Variants in TSTD2 observed in about 807,000 individuals in gnomAD.
The protein encoded by TSTD2 is thiosulfate sulfurtransferase like domain containing 2.
In TSTD2, 37 loss-of-function variants were observed where a neutral mutation model predicts 47.9. That is an observed-to-expected ratio of 0.77 (90% CI 0.59 to 1.02). The LOEUF (loss-of-function observed/expected upper bound fraction) is 1.02, where lower values mean the gene tolerates loss of function less well. TSTD2 is among the 50% of genes least tolerant of loss of function. The pLI, the probability that TSTD2 is intolerant of heterozygous loss-of-function variation, is 0.00. For synonymous variants in TSTD2, 201 were observed against 215.9 expected (o/e 0.93, Z 0.61); for missense variants, 586 against 616.0 (o/e 0.95, Z 0.52).
At chr9:97,603,409 C>T (rs762611457) in intron 9 of TSTD2, among the ~76,000 whole-genome samples, 44 of 152,300 alleles carry the variant, frequency 2.9e-4, no homozygotes, top group Non-Finnish European at 4.6e-4. Flanking sequence ...CATACTCACA[C>T]GCAGGTACCC....
intron 3 of TSTD2, 64 bp downstream of exon 3, chr9:97,625,617 T>C: frequency 2.1e-6 from 3 of 1,460,602 alleles, no homozygotes; most frequent in Non-Finnish European, 2.8e-6. Flanking sequence ...GGGTGAATTG[T>C]AGTATCTCAT....
At chr9:97,626,119 GT>G in intron 2 of TSTD2, 122 bp from the exon 3 acceptor site, 1 of 932,998 alleles carries the variant, frequency 1.1e-6, no homozygotes, top group East Asian at 2.7e-5. Flanking sequence ...GTTCCATTAT[GT>G]TATACAATTC....
chr9:97,630,420 C>T (rs1826790285), intron 1 of TSTD2, among the ~76,000 whole-genome samples: 2 of 152,208 alleles, frequency 1.3e-5, no homozygotes, highest in African/African-American at 4.8e-5. Flanking sequence ...ATGAATGAAA[C>T]AGTTGAAGTA....
rs757835150 is a variant in TSTD2 at position 97,605,582 on chromosome 9, G to A, written c.1014C>T (p.Tyr338=). The change falls in exon 8 of 10, where the codon TAC becomes TAT. Residue 338 remains tyrosine (Y), a synonymous_variant. Coordinates refer to ENST00000341170, the MANE Select transcript of TSTD2 (RefSeq NM_139246.5). ...DIRKFSYFPS[Y]VDKNLELFRE... ...TGAAAAGTTCTAGATTTTTGTCAAC[G>A]TAGCTAGGGAAGTAACTGAATTTCC... is the stretch of plus-strand genomic sequence containing the variant. 112 of 1,614,104 alleles carry A rather than the reference G, an allele frequency of 6.9e-5. No homozygotes were observed. Among genetic ancestry groups the A allele is most frequent in the Admixed American group, 8.3e-5 (5 of 60,016 alleles).
At chr9:97,616,058 T>C (rs1826536555) in intron 4 of TSTD2, among the ~76,000 whole-genome samples, 1 of 152,098 alleles carries the variant, frequency 6.6e-6, no homozygotes, top group Non-Finnish European at 1.5e-5. Flanking sequence ...TGAATTTAGA[T>C]TGACAGGAAA....
intron 1 of TSTD2, among the ~76,000 whole-genome samples, chr9:97,628,796 A>T (rs1173601447): frequency 6.6e-6 from 1 of 152,128 alleles, no homozygotes; most frequent in Admixed American, 6.5e-5. Context: ...CGCTGAGGAG[A>T]CCAAACCACT....
At position 97,600,477 on chromosome 9, in the gene TSTD2, T is replaced by TATG; in HGVS notation, c.*1989_*1991dup. 1.0e-6 allele frequency: 1 copy of TATG among 985,650 alleles called. No homozygotes were observed. Among genetic ancestry groups the TATG allele is most frequent in the South Asian group, 4.7e-5 (1 of 21,296 alleles). The allele number at this position is 985,650 out of a possible 1,614,324, so 61.1% of individuals were successfully genotyped here. A position where few individuals can be genotyped will look rare whatever the true frequency, so the allele number is the denominator to read the frequency against. Reference sequence around the variant, plus strand: ...CTTTTTCCTTATTGAATGCCAACCTTATGATGGATGTGAAAATCTACGGCC... The same window carrying TATG: ...CTTTTTCCTTATTGAATGCCAACCTTATGATGATGGATGTGAAAATCTACGGCC... On this transcript the variant is annotated 3_prime_UTR_variant, in exon 10 of 10. Coordinates refer to ENST00000341170, the MANE Select transcript of TSTD2 (RefSeq NM_139246.5).
chr9:97,628,367 C>T (rs902409092), intron 1 of TSTD2, among the ~76,000 whole-genome samples: 5 of 152,220 alleles, frequency 3.3e-5, no homozygotes, highest in African/African-American at 1.2e-4. Flanking sequence ...TTGGTTTGTG[C>T]TGCAGCAGTT....
chr9:97,602,928 C>G, intron 9 of TSTD2, 161 bp from the exon 10 acceptor site: 1 of 599,562 alleles, frequency 1.7e-6, no homozygotes, highest in Non-Finnish European at 2.8e-6. Flanking sequence ...AACTAACCAC[C>G]ACCCCCACCA....
In TSTD2 at chr9:97,605,517, C is replaced by T. The variant is rs753069573; in HGVS notation, c.1079G>A (p.Arg360His). 34 of 1,614,016 alleles carry T rather than the reference C, an allele frequency of 2.1e-5. No homozygotes were observed. The highest frequency in any genetic ancestry group is 2.6e-5 in the Non-Finnish European group (31 of 1,179,964). Residue 360 changes from arginine to histidine, a missense_variant, in exon 8 of 10, where the codon CGC becomes CAC. Arg to His is a conservative substitution (Grantham distance 29). Coordinates refer to ENST00000341170, the MANE Select transcript of TSTD2 (RefSeq NM_139246.5). The part of the protein sequence containing the change: ...RVLMYCTGGI[R>H]CERGSAYLKA... The stretch of plus-strand genomic sequence containing the variant: ...GAGGTAGGCTGAACCCCGCTCACAG[C>T]GGATGCCCCCGGTACAGTACATCAG...
chr9:97,615,616 TC>T (rs1336518630), intron 4 of TSTD2, among the ~76,000 whole-genome samples: 1 of 152,194 alleles, frequency 6.6e-6, no homozygotes, highest in Admixed American at 6.5e-5. Context: ...CACAAAACTC[TC>T]ATTAAACTGG....
At chr9:97,623,453 T>C (rs1826671530) in intron 3 of TSTD2, among the ~76,000 whole-genome samples, 1 of 152,208 alleles carries the variant, frequency 6.6e-6, no homozygotes, top group African/African-American at 2.4e-5. Flanking sequence ...TGACATTACA[T>C]AGGGTAGAGG....
At chr9:97,623,840 G>T (rs1361460608) in intron 3 of TSTD2, among the ~76,000 whole-genome samples, 1 of 151,872 alleles carries the variant, frequency 6.6e-6, no homozygotes, top group Non-Finnish European at 1.5e-5. Context: ...CTGGGTGACA[G>T]AGTGAGACTC....
At chr9:97,602,936 C>T (rs1022360273) in intron 9 of TSTD2, 169 bp from the exon 10 acceptor site, 18 of 582,040 alleles carry the variant, frequency 3.1e-5, no homozygotes, top group Non-Finnish European at 4.6e-5. Flanking sequence ...ACCACCCCCA[C>T]CACCCAGCTT....
chr9:97,632,305 G>A (rs1826836302), intron 1 of TSTD2, among the ~76,000 whole-genome samples: 1 of 152,128 alleles, frequency 6.6e-6, no homozygotes, highest in Non-Finnish European at 1.5e-5. Context: ...AACAGAAAGA[G>A]TGGTTGGAGT....
At chr9:97,630,536 G>A (rs1002125784) in intron 1 of TSTD2, among the ~76,000 whole-genome samples, 2 of 152,070 alleles carry the variant, frequency 1.3e-5, no homozygotes, top group African/African-American at 4.8e-5. Flanking sequence ...TAGGGATAAC[G>A]GCCCCTGCTT....
chr9:97,633,334 C>A lies in TSTD2; in HGVS notation c.-142G>T. On this transcript the variant is annotated 5_prime_UTR_variant, in exon 1 of 10. Transcript: ENST00000341170. ...CTCACCGCCCTCGAGCCTATTCCCCCGCCGCGTATTTGGGTAGAAAAGCTC... is the reference window on the plus strand; with the variant it reads ...CTCACCGCCCTCGAGCCTATTCCCCAGCCGCGTATTTGGGTAGAAAAGCTC... 2.9e-6 allele frequency: 1 copy of A among 350,266 alleles called. No homozygotes were observed. The allele number at this position is 350,266 out of a possible 1,614,324, so 21.7% of individuals were successfully genotyped here.
rs1826243273 is a variant in TSTD2 at position 97,600,941 on chromosome 9, C to G, written c.*1528G>C. On this transcript the variant is annotated 3_prime_UTR_variant, in exon 10 of 10. Transcript: ENST00000341170. ...GTTTGTTGCTTTTGGGAGTTATTTT[C>G]ATTAGTGATTTCAGCAAATCTCATG... The G allele has an allele frequency of 8.8e-7, 1 of 1,133,954 alleles. No individual in the cohort carries two copies. The highest frequency in any genetic ancestry group is 1.1e-6 in the Non-Finnish European group (1 of 902,878). 70.2% of individuals were successfully genotyped at this position (1,133,954 alleles called of 1,614,324 possible).
rs1294781162 is a variant in TSTD2, at chr9:97,601,672, T to TCAA, written c.*794_*796dup. 1 of 684,564 alleles carries TCAA rather than the reference T, an allele frequency of 1.5e-6. No individual in the cohort carries two copies. The highest frequency in any genetic ancestry group is 1.3e-4 in the East Asian group (1 of 7,448). The allele number at this position is 684,564 out of a possible 1,614,324, so 42.4% of individuals were successfully genotyped here. On this transcript the variant is annotated 3_prime_UTR_variant, in exon 10 of 10. Coordinates refer to ENST00000341170, the MANE Select transcript of TSTD2 (RefSeq NM_139246.5). ...GCCACATAGTGTCTGTTGCAACTATTCAACTCTGCCATAGATCATGTGTAA... is the reference window on the plus strand; with the variant it reads ...GCCACATAGTGTCTGTTGCAACTATTCAACAACTCTGCCATAGATCATGTGTAA...
Sources: allele counts gnomAD v4.1 joint callset (sites outside exome capture counted in the v4.1 genomes callset), GRCh38; gene constraint gnomAD v4.1.1; transcripts MANE v1.5; gene names NCBI Gene and HGNC (gene_info 2026-07-23, HGNC 2026-07-21).